ZNF850: variants seen among roughly 807,000 people sequenced by gnomAD.
ZNF850 encodes the protein zinc finger protein 850, also known as putative zinc finger protein ENSP00000330994.
Under a neutral mutation model 11.9 loss-of-function variants are expected in ZNF850, and 2 were observed. That is an observed-to-expected ratio of 0.17 (90% CI 0.07 to 0.53). The LOEUF (loss-of-function observed/expected upper bound fraction) is 0.53, where lower values mean the gene tolerates loss of function less well. Ranked by LOEUF, ZNF850 falls within the 20% of genes least tolerant of loss-of-function variation. The pLI is 0.94. For missense variants in ZNF850, 1,014 were observed against 1,316.4 expected, an observed-to-expected ratio of 0.77 and a Z score of 3.55; for synonymous variants, 381 against 443.0, an observed-to-expected ratio of 0.86 and a Z score of 1.76.
Position 36,748,318 on chromosome 19 carries a change from G to A in ZNF850, c.2722C>T (p.Arg908Cys), listed in dbSNP as rs1207602527. The change falls in exon 5 of 5, where the codon CGT becomes TGT. Residue 908 changes from arginine to cysteine, a missense_variant. Physicochemically the swap from Arg to Cys is radical, Grantham distance 180 (BLOSUM62 -3). Coordinates refer to ENST00000591344, the MANE Select transcript of ZNF850 (RefSeq NM_001193552.2). The part of the protein sequence containing the change: ...DCKECGKAFR[R>C]RSKLTQHQRI... ...TGATGTTGAGTAAGTTTTGAACGAC[G>A]TCTAAAGGCCTTGCCACATTCCTTA... 9 of 1,587,562 alleles carry A rather than the reference G, an allele frequency of 5.7e-6. No individual in the cohort carries two copies. The highest frequency in any genetic ancestry group is 6.8e-6 in the Non-Finnish European group (8 of 1,170,290).
intron 1 of ZNF850, among the ~76,000 whole-genome samples, chr19:36,767,780 A>AG (rs1491395098): frequency 6.6e-6 from 1 of 152,002 alleles, no homozygotes; most frequent in Non-Finnish European, 1.5e-5. Flanking sequence ...GAAAAAAAAA[A>AG]GAACTCCAAA....
At position 36,753,271 on chromosome 19, in the gene ZNF850, G is replaced by GAA. The variant is rs71171470; in HGVS notation, c.236-2469_236-2468dup. On this transcript the variant is annotated intron_variant, in intron 4 of 4. Transcript: ENST00000591344. The stretch of plus-strand genomic sequence containing the variant: ...GCGACAGAGCGAGACTTCATCTCAG[G>GAA]AAAAAAAAAAAAAAAAAAAAAGTAA... 2.5e-3 allele frequency among the ~76,000 whole-genome samples: 162 copies of GAA among 66,002 alleles called. 1 individual carries two copies. The highest frequency in any genetic ancestry group is 0.018 in the East Asian group (43 of 2,376). The allele number at this position is 66,002 out of a possible 152,430, so 43.3% of individuals were successfully genotyped here.
intron 1 of ZNF850, among the ~76,000 whole-genome samples, chr19:36,765,831 T>G (rs1018512447): frequency 6.6e-6 from 1 of 151,556 alleles, no homozygotes; most frequent in Non-Finnish European, 1.5e-5. Flanking sequence ...TGATCGGCCC[T>G]CCTCGGCCTC....
intron 1 of ZNF850, among the ~76,000 whole-genome samples, chr19:36,762,985 G>A (rs1203882219): frequency 6.6e-6 from 1 of 151,892 alleles, no homozygotes; most frequent in Non-Finnish European, 1.5e-5. Context: ...CAACCTCCCA[G>A]GCTCAGGTGA....
At chr19:36,756,702 C>T (rs922939826) in intron 4 of ZNF850, among the ~76,000 whole-genome samples, 1 of 152,182 alleles carries the variant, frequency 6.6e-6, no homozygotes, top group African/African-American at 2.4e-5. Flanking sequence ...CAACCTCCGC[C>T]TCCTGGGCTC....
chr19:36,757,796 G>C (rs1424821887), intron 4 of ZNF850, among the ~76,000 whole-genome samples: 1 of 151,802 alleles, frequency 6.6e-6, no homozygotes, highest in Non-Finnish European at 1.5e-5. Context: ...AAAGTGCTGG[G>C]ATTTACAGGT....
intron 4 of ZNF850, among the ~76,000 whole-genome samples, chr19:36,753,598 A>T (rs2040467877): frequency 6.6e-6 from 1 of 151,954 alleles, no homozygotes; most frequent in Admixed American, 6.6e-5. Context: ...GTCTCTTAAA[A>T]AAAAATTATG....
chr19:36,750,176 T>C lies in ZNF850; in HGVS notation c.864A>G (p.Lys288=). Residue 288 remains lysine, a synonymous_variant, in exon 5 of 5, where the codon AAA becomes AAG. Transcript: ENST00000591344. ...DKPYECKECG[K]SFTSGSTLNQ... ...TTAGTGTTGAGCCAGAAGTAAAAGA[T>C]TTCCCACATTCTTTACATTCATAAG... 1 of 1,539,166 alleles carries C rather than the reference T, an allele frequency of 6.5e-7. No homozygotes were observed. The highest frequency in any genetic ancestry group is 8.7e-7 in the Non-Finnish European group (1 of 1,146,944).
intron 1 of ZNF850, among the ~76,000 whole-genome samples, chr19:36,767,339 T>G (rs1001456566): frequency 6.6e-6 from 1 of 151,808 alleles, no homozygotes; most frequent in African/African-American, 2.4e-5. Flanking sequence ...GGCAGATGAC[T>G]TGAGGTCAGG....
At chr19:36,765,796 C>A (rs1346318088) in intron 1 of ZNF850, among the ~76,000 whole-genome samples, 1 of 152,034 alleles carries the variant, frequency 6.6e-6, no homozygotes, top group Non-Finnish European at 1.5e-5. Context: ...GTTGGTCAGG[C>A]TGGTATCAAA....
chr19:36,758,017 T>C (rs950909725), intron 4 of ZNF850, among the ~76,000 whole-genome samples: 2 of 152,218 alleles, frequency 1.3e-5, no homozygotes, highest in Non-Finnish European at 2.9e-5. Context: ...TAATTTCAAT[T>C]ACTTTACAGT....
chr19:36,764,902 G>T (rs796363471), intron 1 of ZNF850, among the ~76,000 whole-genome samples: 7 of 151,924 alleles, frequency 4.6e-5, no homozygotes, highest in African/African-American at 1.7e-4. Context: ...GCTGAGGCTG[G>T]TCTCGAACTC....
intron 4 of ZNF850, among the ~76,000 whole-genome samples, chr19:36,754,761 T>C (rs1381728790): frequency 6.6e-6 from 1 of 152,082 alleles, no homozygotes; most frequent in Non-Finnish European, 1.5e-5. Flanking sequence ...TTCACCATCT[T>C]GACCAGCCTG....
Position 36,749,456 on chromosome 19 carries a change from A to C in ZNF850, c.1584T>G (p.Thr528=). 6.4e-7 allele frequency: 1 copy of C among 1,551,266 alleles called. No homozygotes were observed. Among genetic ancestry groups the C allele is most frequent in the Non-Finnish European group, 8.7e-7 (1 of 1,153,018 alleles). ...SALLQHQRIH[T]GEKPYHCKEC... is the part of the protein sequence containing the mutation. ...CCTTACAATGATAGGGTTTCTCACC[A>C]GTGTGAATTCGCTGATGTTGAAGTA... The change falls in exon 5 of 5, where the codon ACT becomes ACG. Residue 528 remains threonine (T), a synonymous_variant. Transcript: ENST00000591344.
chr19:36,770,003 T>A (rs2145971449), intron 1 of ZNF850, among the ~76,000 whole-genome samples: 1 of 152,318 alleles, frequency 6.6e-6, no homozygotes, highest in African/African-American at 2.4e-5. Flanking sequence ...TGGGTTCGAT[T>A]AATTTGCTAA....
At chr19:36,763,670 T>C (rs2016324484) in intron 1 of ZNF850, among the ~76,000 whole-genome samples, 1 of 152,310 alleles carries the variant, frequency 6.6e-6, no homozygotes, top group South Asian at 2.1e-4. Flanking sequence ...AACCCACACC[T>C]GTAATCACAG....
intron 4 of ZNF850, among the ~76,000 whole-genome samples, chr19:36,752,405 G>A (rs1912118681): frequency 1.3e-5 from 2 of 152,134 alleles, no homozygotes; most frequent in Non-Finnish European, 2.9e-5. Flanking sequence ...TGTGAAGAGG[G>A]TCCCATTGGC....
chr19:36,764,528 A>C (rs2040538112), intron 1 of ZNF850, among the ~76,000 whole-genome samples: 1 of 152,228 alleles, frequency 6.6e-6, no homozygotes, highest in African/African-American at 2.4e-5. Context: ...AGACCCAATT[A>C]GAAGAAAACT....
rs956698797 is a variant in ZNF850 at position 36,759,077 on chromosome 19, G to A, written c.235+2566C>T. Among the ~76,000 whole-genome samples, 8 of 127,696 alleles carry A rather than the reference G, an allele frequency of 6.3e-5. No individual in the cohort carries two copies. In the East Asian group the frequency reaches 1.6e-3, roughly 26 times the overall value. 83.8% of individuals were successfully genotyped at this position (127,696 alleles called of 152,430 possible). ...CAGCCTGGCAACAGAGCAAGACTCC[G>A]TCTAAAAAAAAAAAAAATATTGGCC... On this transcript the variant is annotated intron_variant, in intron 4 of 4. Transcript: ENST00000591344.
Sources: gnomAD v4.1 joint callset for allele counts (sites outside exome capture counted in the v4.1 genomes callset) on GRCh38, gnomAD v4.1.1 for gene constraint, MANE v1.5 for transcripts, NCBI Gene and HGNC (gene_info 2026-07-23, HGNC 2026-07-21) for gene names.